The following IFT46 variants were observed in gnomAD, a reference collection of about 807,000 sequenced individuals.
IFT46 encodes the protein intraflagellar transport 46, also known as intraflagellar transport protein 46 homolog.
A neutral mutation model predicts 39.6 loss-of-function variants in IFT46; 19 were observed. The ratio of observed to expected loss-of-function variants is 0.48; its 90% CI spans 0.33 to 0.70. The LOEUF is 0.70. Among genes scored for constraint, IFT46 ranks in the 30% least tolerant of loss-of-function variants. The probability of loss-of-function intolerance (pLI) is 0.01; values close to 1 mark genes in which losing one functional copy is unlikely to be tolerated. For missense variants in IFT46, 334 were observed against 364.8 expected (o/e 0.92, Z 0.69); for synonymous variants, 117 against 134.8 (o/e 0.87, Z 0.91).
Position 118,544,989 on chromosome 11 carries a change from C to T in IFT46, c.842G>A (p.Gly281Asp), listed in dbSNP as rs1555066687. Residue 281 changes from glycine to aspartate, a missense_variant, in exon 12 of 12, where the codon GGC becomes GAC. Gly to Asp is a moderately conservative substitution (Grantham distance 94, BLOSUM62 -1). Coordinates refer to ENST00000264021, the MANE Select transcript of IFT46 (RefSeq NM_001168618.2). ...GGATGAAGGAGTGAATGCTTTCTTG[C>T]CTTCAGCGAGAGCTTTAAAATGCTG... ...NSQHFKALAE[G>D]KKAFTPSSNS... 6.2e-7 allele frequency: 1 copy of T among 1,612,982 alleles called. No homozygotes were observed.
intron 2 of IFT46, among the ~76,000 whole-genome samples, chr11:118,564,188 C>CAAA (rs34442295): frequency 1.1e-4 from 6 of 55,094 alleles, no homozygotes; most frequent in Admixed American, 2.4e-4. Context: ...GACTCTGTCT[C>CAAA]AAAAAAAAAA....
At chr11:118,545,569 G>T in intron 10 of IFT46, 75 bp from the exon 11 acceptor site, 1 of 1,307,928 alleles carries the variant, frequency 7.6e-7, no homozygotes, top group Non-Finnish European at 1.1e-6. Flanking sequence ...TCTAGCACAG[G>T]CAAAGCCCTG....
chr11:118,556,850 G>A (rs1389489890), intron 4 of IFT46, 56 bp downstream of exon 4: 1 of 1,463,242 alleles, frequency 6.8e-7, no homozygotes, highest in Non-Finnish European at 9.1e-7. Flanking sequence ...TCCCACTCCA[G>A]TGTTTTGAAG....
chr11:118,551,973 G>A (rs1209194382), intron 8 of IFT46, 121 bp from the exon 9 acceptor site: 1 of 1,116,846 alleles, frequency 9.0e-7, no homozygotes, highest in East Asian at 2.4e-5. Context: ...AAGGCTTCAG[G>A]AGAACCTAGA....
In IFT46 at chr11:118,552,217, G is replaced by C. The variant is rs782058298; in HGVS notation, c.602C>G (p.Thr201Ser). The part of the protein sequence containing the change: ...RSKPPATVHY[T>S]RPMPDIDTLM... ...CAAAGAATGTGGTATTTCTTACCTG[G>C]TGTAGTGCACAGTCGCAGGGGGCTT... Residue 201 changes from threonine to serine, a missense_variant, in exon 8 of 12, where the codon ACC (threonine) becomes AGC (serine). Transcript: ENST00000264021. 1.9e-6 allele frequency: 3 copies of C among 1,614,094 alleles called. No homozygotes were observed. In the South Asian group the frequency reaches 3.3e-5, roughly 18 times the overall value.
intron 9 of IFT46, among the ~76,000 whole-genome samples, chr11:118,547,744 C>CT (rs1233612951): frequency 0.064 from 5,788 of 91,076 alleles, 237 homozygotes; most frequent in South Asian, 0.12. Flanking sequence ...CTTTTCTTTT[C>CT]TTTTTTTTTT....
chr11:118,545,192 C>T (rs1392035847), intron 11 of IFT46, among the ~76,000 whole-genome samples, 181 bp from the exon 12 acceptor site: 1 of 151,662 alleles, frequency 6.6e-6, no homozygotes, highest in Non-Finnish European at 1.5e-5. Flanking sequence ...CATCTAAGGC[C>T]CACAACTCCT....
Position 118,554,597 on chromosome 11 carries a change from A to T in IFT46, c.355-10T>A. On this transcript the variant is annotated splice_polypyrimidine_tract_variant and intron_variant, in intron 6 of 11. Coordinates refer to ENST00000264021, the MANE Select transcript of IFT46 (RefSeq NM_001168618.2). ...CATCAGGACGTGGGACCTGGTTAAG[A>T]AAAAGGTAAGAAAGCAGAAAGGAAA... The T allele has an allele frequency of 6.3e-7, 1 of 1,583,752 alleles. No individual in the cohort carries two copies. Among genetic ancestry groups the T allele is most frequent in the African/African-American group, 1.4e-5 (1 of 73,300 alleles).
At chr11:118,546,430 G>A (rs1951688215) in intron 9 of IFT46, 1 of 412,586 alleles carries the variant, frequency 2.4e-6, no homozygotes, top group Non-Finnish European at 4.5e-6. Flanking sequence ...GGTTGAGGCT[G>A]CAGTGAGCTG....
chr11:118,559,859 G>T lies in IFT46; in HGVS notation c.-30C>A. 1 of 1,591,298 alleles carries T rather than the reference G, an allele frequency of 6.3e-7. No individual in the cohort carries two copies. Among genetic ancestry groups the T allele is most frequent in the Non-Finnish European group, 8.6e-7 (1 of 1,162,334 alleles). On this transcript the variant is annotated 5_prime_UTR_variant, in exon 3 of 12. Coordinates refer to ENST00000264021, the MANE Select transcript of IFT46 (RefSeq NM_001168618.2). ...TTGTTAGGAAGATGGGCAGAACGAGGAAGTCCTTAGAAAAAAAGTTTTTCC... is the reference window on the plus strand; with the variant it reads ...TTGTTAGGAAGATGGGCAGAACGAGTAAGTCCTTAGAAAAAAAGTTTTTCC...
At chr11:118,569,736 T>C (rs1188702463), upstream of IFT46, among the ~76,000 whole-genome samples, 1 of 152,202 alleles carries the variant, frequency 6.6e-6, no homozygotes, top group African/African-American at 2.4e-5. Context: ...AAGGTACCTA[T>C]CTCAGAGGAT....
At chr11:118,546,713 G>C (rs1305904400) in intron 9 of IFT46, 1 of 152,868 alleles carries the variant, frequency 6.5e-6, no homozygotes, top group East Asian at 1.9e-4. Context: ...AAAATACACT[G>C]CCATACTCTT....
chr11:118,545,799 T>C lies in IFT46; in HGVS notation c.727A>G (p.Ile243Val). 1 of 1,614,114 alleles carries C rather than the reference T, an allele frequency of 6.2e-7. No individual in the cohort carries two copies. Among genetic ancestry groups the C allele is most frequent in the South Asian group, 1.1e-5 (1 of 91,082 alleles). The change falls in exon 10 of 12, where the codon ATC (isoleucine) becomes GTC (valine). Residue 243 changes from isoleucine (I) to valine (V), a missense_variant. By Grantham distance (29) the Ile-to-Val change is conservative (BLOSUM62 3). Transcript: ENST00000264021. The stretch of plus-strand genomic sequence containing the variant: ...AAAGGAAAGAGGAACTCACCACAGA[T>C]CATGTCAATGTACTCTGCCAGGCTG... The part of the protein sequence containing the change: ...DCSLAEYIDM[I>V]CAILDIPVYK...
At chr11:118,563,688 T>C (rs1278273057) in intron 2 of IFT46, among the ~76,000 whole-genome samples, 2 of 152,224 alleles carry the variant, frequency 1.3e-5, no homozygotes, top group African/African-American at 4.8e-5. Context: ...CTTCCTGCCC[T>C]ACCTCTCTGA....
upstream of IFT46, among the ~76,000 whole-genome samples, chr11:118,569,122 A>G (rs1248740522): frequency 1.3e-5 from 2 of 151,586 alleles, no homozygotes; most frequent in Non-Finnish European, 2.9e-5. Context: ...TACTAAAAAT[A>G]CAAAAAACTA....
At chr11:118,576,229 C>T (rs539990013), upstream of IFT46, among the ~76,000 whole-genome samples, 1 of 151,044 alleles carries the variant, frequency 6.6e-6, no homozygotes, top group Non-Finnish European at 1.5e-5. Flanking sequence ...TTATTTAGTC[C>T]AAAGATAGTG....
chr11:118,567,363 T>C (rs1480965572), upstream of IFT46, among the ~76,000 whole-genome samples: 1 of 152,006 alleles, frequency 6.6e-6, no homozygotes, highest in Non-Finnish European at 1.5e-5. Flanking sequence ...GATCACAAGG[T>C]CAGGAGTTCA....
rs150612379 is a variant in IFT46 at position 118,551,851 on chromosome 11, G to A, written c.607C>T (p.Pro203Ser). 121 of 1,613,680 alleles carry A rather than the reference G, an allele frequency of 7.5e-5. 1 individual carries two copies. The African/African-American group carries it at 1.4e-3, about 19-fold the overall frequency. The change falls in exon 9 of 12, where the codon CCC becomes TCC. Residue 203 changes from proline (P) to serine (S), a missense_variant and splice_region_variant. Transcript: ENST00000264021. ...KPPATVHYTRPMPDIDTLMQE... is the reference protein window; with the variant it reads ...KPPATVHYTRSMPDIDTLMQE... ...ATCAGCGTGTCAATGTCGGGCATGG[G>A]CCTAAAAGTATAAAGGTAAATATGA...
At chr11:118,575,242 T>C (rs1407918360), upstream of IFT46, among the ~76,000 whole-genome samples, 2 of 152,190 alleles carry the variant, frequency 1.3e-5, no homozygotes, top group East Asian at 3.8e-4. Context: ...CCTCCCAAAG[T>C]GCTGGGATTA....
Sources: allele counts gnomAD v4.1 joint callset (sites outside exome capture counted in the v4.1 genomes callset), GRCh38; gene constraint gnomAD v4.1.1; transcripts MANE v1.5; gene names NCBI Gene and HGNC (gene_info 2026-07-23, HGNC 2026-07-21).